PCDHA5: variants seen among roughly 807,000 people sequenced by gnomAD.
PCDHA5 encodes the protein protocadherin alpha 5.
In PCDHA5, 43 loss-of-function variants were observed where a neutral mutation model predicts 61.6. The observed-to-expected ratio is 0.70, with a 90% CI of 0.55 to 0.90. The LOEUF (loss-of-function observed/expected upper bound fraction) is 0.90. Ranked by LOEUF, PCDHA5 falls within the 40% of genes least tolerant of loss-of-function variation. The pLI is 0.00. For synonymous variants in PCDHA5, 627 were observed against 543.9 expected (o/e 1.15, Z -2.13); for missense variants, 1,298 against 1,222.7 (o/e 1.06, Z -0.92).
At chr5:140,891,888 T>C (rs1562860973) in intron 1 of PCDHA5, among the ~76,000 whole-genome samples, 1 of 152,212 alleles carries the variant, frequency 6.6e-6, no homozygotes, top group Non-Finnish European at 1.5e-5. Context: ...CATGTGACGA[T>C]GCAGCAAGAA....
At chr5:140,931,901 T>G (rs2087840006) in intron 1 of PCDHA5, among the ~76,000 whole-genome samples, 1 of 151,938 alleles carries the variant, frequency 6.6e-6, no homozygotes, top group South Asian at 2.1e-4. Flanking sequence ...TCAAATCATT[T>G]GAAAAGCATG....
intron 1 of PCDHA5, among the ~76,000 whole-genome samples, chr5:140,972,921 C>A (rs2096564401): frequency 6.6e-6 from 1 of 152,090 alleles, no homozygotes; most frequent in Non-Finnish European, 1.5e-5. Context: ...CTTGGCCTCC[C>A]AAAGTGCTGG....
intron 1 of PCDHA5, chr5:140,928,383 G>T (rs1474490422): frequency 2.5e-6 from 4 of 1,613,920 alleles, no homozygotes; most frequent in South Asian, 1.1e-5. Context: ...CCTCTAGCTT[G>T]CTGGCAGTGG....
rs2150447816 is a variant in PCDHA5 at position 140,849,745 on chromosome 5, G to A, written c.2352+25618G>A. On this transcript the variant is annotated intron_variant, in intron 1 of 3. Coordinates refer to ENST00000529859, the MANE Select transcript of PCDHA5 (RefSeq NM_018908.3). Reference sequence around the variant, plus strand: ...CTGGACAGAGCTCTGGACCGCGAGAGTGTGTCCGCCTACGAGCTGGTGGTT... The same window carrying A: ...CTGGACAGAGCTCTGGACCGCGAGAATGTGTCCGCCTACGAGCTGGTGGTT... 2.6e-5 allele frequency: 41 copies of A among 1,598,346 alleles called. 3 individuals are homozygous for A. Among genetic ancestry groups the A allele is most frequent in the African/African-American group, 4.0e-5 (3 of 74,350 alleles).
intron 1 of PCDHA5, among the ~76,000 whole-genome samples, chr5:140,873,191 C>G (rs1554166611): frequency 6.6e-6 from 1 of 151,960 alleles, no homozygotes; most frequent in Non-Finnish European, 1.5e-5. Flanking sequence ...TATTCATTGG[C>G]TAAAAACATT....
intron 1 of PCDHA5, among the ~76,000 whole-genome samples, chr5:140,880,101 T>C (rs1190307689): frequency 6.6e-6 from 1 of 152,192 alleles, no homozygotes; most frequent in Non-Finnish European, 1.5e-5. Context: ...CTTAAAATCA[T>C]AGAAGGATAG....
In PCDHA5 at chr5:140,821,916, C is replaced by A. The variant is rs1554128319; in HGVS notation, c.141C>A (p.Ile47=). The part of the protein sequence containing the change: ...EAKHGTFVGR[I]AQDLGLELAE... ...AACACGGAACCTTCGTTGGCCGCAT[C>A]GCGCAGGACCTAGGGCTGGAGCTGG... Residue 47 remains isoleucine, a synonymous_variant, in exon 1 of 4, where the codon ATC becomes ATA. Coordinates refer to ENST00000529859, the MANE Select transcript of PCDHA5 (RefSeq NM_018908.3). 6.2e-7 allele frequency: 1 copy of A among 1,614,106 alleles called. No individual in the cohort carries two copies. The highest frequency in any genetic ancestry group is 2.2e-5 in the East Asian group (1 of 44,904).
chr5:140,873,929 G>C (rs1457405512), intron 1 of PCDHA5, among the ~76,000 whole-genome samples: 3 of 152,138 alleles, frequency 2.0e-5, no homozygotes, highest in African/African-American at 7.2e-5. Flanking sequence ...CCAAAGTGCT[G>C]GGATTACAGG....
intron 1 of PCDHA5, among the ~76,000 whole-genome samples, chr5:140,895,931 C>A (rs1365477787): frequency 5.3e-5 from 8 of 152,210 alleles, no homozygotes; most frequent in African/African-American, 1.9e-4. Flanking sequence ...CTGCCTCAGC[C>A]TCCCGAGTAG....
Position 140,968,743 on chromosome 5 carries a change from C to T in PCDHA5, c.2353-10206C>T, listed in dbSNP as rs112674082. On this transcript the variant is annotated intron_variant, in intron 1 of 3. Coordinates refer to ENST00000529859, the MANE Select transcript of PCDHA5 (RefSeq NM_018908.3). ...AGAGTGGTAGCACTTTCAACCTGAC[C>T]GTGGTGGTCCGAGATAATGGAGAGC... is the stretch of plus-strand genomic sequence containing the variant. The T allele has an allele frequency of 3.4e-5, 55 of 1,614,060 alleles. No individual in the cohort carries two copies. In the African/African-American group the frequency reaches 5.1e-4, roughly 15 times the overall value.
intron 1 of PCDHA5, chr5:140,857,554 G>C: frequency 1.3e-6 from 2 of 1,596,880 alleles, no homozygotes; most frequent in Non-Finnish European, 1.7e-6. Flanking sequence ...GCGAGCGCTC[G>C]CTGTCGAGCT....
At chr5:140,827,981 T>C (rs1359301062) in intron 1 of PCDHA5, 2 of 1,423,020 alleles carry the variant, frequency 1.4e-6, no homozygotes, top group Non-Finnish European at 1.9e-6. Flanking sequence ...ATTCCCTGAC[T>C]GTTGAATGAT....
chr5:140,882,071 A>T (rs2058936449), intron 1 of PCDHA5: 4 of 864,074 alleles, frequency 4.6e-6, no homozygotes, highest in Admixed American at 2.9e-5. Context: ...GTTCATGCGC[A>T]TGGTGTCGCT....
chr5:140,948,281 T>C (rs1375756050), intron 1 of PCDHA5, among the ~76,000 whole-genome samples: 1 of 151,620 alleles, frequency 6.6e-6, no homozygotes, highest in Non-Finnish European at 1.5e-5. Context: ...TATCTGTAAA[T>C]AATTTTGTAA....
chr5:140,853,285 A>G (rs2042696768), intron 1 of PCDHA5: 2 of 981,668 alleles, frequency 2.0e-6, no homozygotes, highest in Non-Finnish European at 2.5e-6. Flanking sequence ...TCATATGCAA[A>G]TTCTCAGAAG....
chr5:140,949,313 A>G (rs989940621), intron 1 of PCDHA5, among the ~76,000 whole-genome samples: 1 of 151,952 alleles, frequency 6.6e-6, no homozygotes, highest in Non-Finnish European at 1.5e-5. Context: ...GTAATGATTT[A>G]TAAATATAAA....
At chr5:140,944,219 A>G (rs191111426) in intron 1 of PCDHA5, among the ~76,000 whole-genome samples, 202 of 152,176 alleles carry the variant, frequency 1.3e-3, no homozygotes, top group Non-Finnish European at 2.3e-3. Context: ...AGAGGGTTTT[A>G]CTCTGTCGCT....
chr5:140,925,082 AAAGGAAGGAAGG>A (rs138596875), intron 1 of PCDHA5, among the ~76,000 whole-genome samples: 78 of 147,388 alleles, frequency 5.3e-4, no homozygotes, highest in African/African-American at 1.8e-3. Context: ...GCTCATCTGG[AAAGGAAGGAAGG>A]AAGGAAGGAA....
chr5:141,006,937 A>G (rs1341234151), intron 3 of PCDHA5, among the ~76,000 whole-genome samples: 1 of 152,206 alleles, frequency 6.6e-6, no homozygotes, highest in Non-Finnish European at 1.5e-5. Context: ...AACTGGGGAT[A>G]CCAGATAGGC....
Sources: gnomAD v4.1 joint callset for allele counts (sites outside exome capture counted in the v4.1 genomes callset) on GRCh38, gnomAD v4.1.1 for gene constraint, MANE v1.5 for transcripts, NCBI Gene and HGNC (gene_info 2026-07-23, HGNC 2026-07-21) for gene names.